Variants in BRWD1 observed in about 807,000 individuals in gnomAD.
BRWD1 encodes the protein bromodomain and WD repeat domain containing 1.
In BRWD1, 82 loss-of-function variants were observed where a neutral mutation model predicts 251.2. That is an observed-to-expected ratio of 0.33 (90% CI 0.27 to 0.39). The LOEUF (loss-of-function observed/expected upper bound fraction) is 0.39, where lower values mean the gene tolerates loss of function less well. BRWD1 is among the 10% of genes least tolerant of loss of function. The pLI is 1.00. For missense variants in BRWD1, 2,233 were observed against 2,711.6 expected, an observed-to-expected ratio of 0.82 and a Z score of 3.92; for synonymous variants, 918 against 902.8, an observed-to-expected ratio of 1.02 and a Z score of -0.30.
rs2032837653 is a variant in BRWD1, at chr21:39,215,229, T to C, written c.3785+8A>G. 3 of 1,609,554 alleles carry C rather than the reference T, an allele frequency of 1.9e-6. No homozygotes were observed. Among genetic ancestry groups the C allele is most frequent in the Non-Finnish European group, 2.6e-6 (3 of 1,176,304 alleles). ...TCACTTTTACACAACATCTATGAAA[T>C]TACTTACTTGATAAATTTTAAAAGT... On this transcript the variant is annotated splice_region_variant and intron_variant, in intron 32 of 40. Coordinates refer to ENST00000342449, the MANE Select transcript of BRWD1 (RefSeq NM_033656.4).
chr21:39,236,817 GC>G, intron 22 of BRWD1, 33 bp from the exon 23 acceptor site: 1 of 1,576,292 alleles, frequency 6.3e-7, no homozygotes, highest in South Asian at 1.1e-5. Flanking sequence ...GTTGAATGGA[GC>G]CAGAATATAA....
intron 4 of BRWD1, 23 bp from the exon 5 acceptor site, chr21:39,298,605 T>G: frequency 6.4e-7 from 1 of 1,558,360 alleles, no homozygotes; most frequent in Non-Finnish European, 8.7e-7. Flanking sequence ...CAAGTTTTAA[T>G]GACAACAGCT....
At chr21:39,260,589 T>A (rs573393232) in intron 17 of BRWD1, among the ~76,000 whole-genome samples, 1 of 152,206 alleles carries the variant, frequency 6.6e-6, no homozygotes, top group African/African-American at 2.4e-5. Flanking sequence ...AGTGTCCTTC[T>A]GCCATAAACA....
rs547283028 is a variant in BRWD1 at position 39,301,990 on chromosome 21, T to G, written c.199-3408A>C. ...AAAAGCTTTGTGTGTTTTTTTTTTT[T>G]TTTTTTTTTTTTGAGACAGTCTTGC... On this transcript the variant is annotated intron_variant, in intron 4 of 40. Transcript: ENST00000342449. Among the ~76,000 whole-genome samples, 440 of 141,198 alleles carry G rather than the reference T, an allele frequency of 3.1e-3. 3 individuals carry two copies. The highest frequency in any genetic ancestry group is 0.011 in the African/African-American group (426 of 38,060). The allele number at this position is 141,198 out of a possible 152,430, so 92.6% of individuals were successfully genotyped here.
intron 17 of BRWD1, 29 bp downstream of exon 17, chr21:39,264,427 TTAAA>T: frequency 1.5e-5 from 15 of 1,016,830 alleles, no homozygotes; most frequent in Admixed American, 7.2e-5. Flanking sequence ...AAGTACAACT[TTAAA>T]AAAAAAAAAA....
In BRWD1 at chr21:39,194,777, A is replaced by T; in HGVS notation, c.*1482T>A. 1 of 1,535,064 alleles carries T rather than the reference A, an allele frequency of 6.5e-7. No homozygotes were observed. Among genetic ancestry groups the T allele is most frequent in the East Asian group, 2.4e-5 (1 of 40,868 alleles). On this transcript the variant is annotated 3_prime_UTR_variant, in exon 41 of 41. Coordinates refer to ENST00000342449, the MANE Select transcript of BRWD1 (RefSeq NM_033656.4). ...CTGAAACCAAACACAATTAGGGCTA[A>T]TAAATAACATTGTCTAATATTGATA...
At chr21:39,295,170 T>C (rs1026295225) in intron 7 of BRWD1, among the ~76,000 whole-genome samples, 9 of 137,432 alleles carry the variant, frequency 6.5e-5, no homozygotes, top group Non-Finnish European at 1.4e-4. Context: ...GTTAGGTATG[T>C]CTATGTTTTT....
At position 39,236,755 on chromosome 21, in the gene BRWD1, G is replaced by A; in HGVS notation, c.2606C>T (p.Thr869Ile). The A allele has an allele frequency of 6.2e-7, 1 of 1,613,936 alleles. No homozygotes were observed. Among genetic ancestry groups the A allele is most frequent in the Non-Finnish European group, 8.5e-7 (1 of 1,179,950 alleles). Residue 869 changes from threonine to isoleucine, a missense_variant, in exon 23 of 41, where the codon ACA becomes ATA. By Grantham distance (89) the Thr-to-Ile change is moderately conservative. Around this residue, in one of 12 missense-constraint regions of BRWD1, gnomAD observed 214 missense variants for 222.0 expected, o/e 0.96. Coordinates refer to ENST00000342449, the MANE Select transcript of BRWD1 (RefSeq NM_033656.4). ...SDSSSRYSDW[T>I]ADAGINLQPP... ...CTGCAAATTGATGCCCGCATCAGCT[G>A]TCCAATCGGAATATCTAGATGAAGA...
In BRWD1 at chr21:39,192,483, G is replaced by A. The variant is rs2031602653; in HGVS notation, c.*3776C>T. The A allele has an allele frequency of 1.0e-6, 1 of 985,036 alleles. No homozygotes were observed. The highest frequency in any genetic ancestry group is 1.7e-5 in the African/African-American group (1 of 57,168). The allele number at this position is 985,036 out of a possible 1,614,324, so 61.0% of individuals were successfully genotyped here. A position where few individuals can be genotyped will look rare whatever the true frequency, so the allele number is the denominator to read the frequency against. The stretch of plus-strand genomic sequence containing the variant: ...CCTTGATATCCACAGCAGAAATTCA[G>A]AGGTATAACTTCAACATTAACAGGT... On this transcript the variant is annotated 3_prime_UTR_variant, in exon 41 of 41. Transcript: ENST00000342449.
intron 13 of BRWD1, among the ~76,000 whole-genome samples, chr21:39,271,517 GT>G (rs1303857278): frequency 4.0e-5 from 6 of 151,160 alleles, no homozygotes; most frequent in African/African-American, 1.2e-4. Context: ...GTGAAACCTC[GT>G]CTCTACTAAA....
chr21:39,198,845 G>C lies in BRWD1; in HGVS notation c.5571C>G (p.Ser1857=), dbSNP rs775093982. 2.5e-6 allele frequency: 4 copies of C among 1,613,730 alleles called. No individual in the cohort carries two copies. The Admixed American group carries it at 6.7e-5, about 27-fold the overall frequency. ...GNLNCDPIAM[S]QCSSDHGCET... The stretch of plus-strand genomic sequence containing the variant: ...CACATCCATGATCTGAGGAACACTG[G>C]GACATAGCAATAGGGTCACAGTTCA... The change falls in exon 40 of 41, where the codon TCC becomes TCG. Residue 1857 remains serine (S), a synonymous_variant. Transcript: ENST00000342449.
chr21:39,236,112 T>C (rs78159848), intron 23 of BRWD1: 15,923 of 155,636 alleles, frequency 0.1, 955 homozygotes, highest in East Asian at 0.14. Flanking sequence ...GCCAGAAACA[T>C]GCAGTCATGG....
At chr21:39,312,700 C>CG in intron 4 of BRWD1, 141 bp downstream of exon 4, 1 of 471,248 alleles carries the variant, frequency 2.1e-6, no homozygotes, top group Non-Finnish European at 3.8e-6. Context: ...AATCTTCAGC[C>CG]GGGAACGCAG....
chr21:39,222,334 T>C (rs1601315536), intron 29 of BRWD1, among the ~76,000 whole-genome samples: 2 of 152,336 alleles, frequency 1.3e-5, no homozygotes, highest in South Asian at 2.1e-4. Flanking sequence ...CAATGGAATA[T>C]GATTCATCAA....
chr21:39,201,812 A>G (rs918347143), intron 38 of BRWD1, among the ~76,000 whole-genome samples: 4 of 152,244 alleles, frequency 2.6e-5, no homozygotes, highest in South Asian at 2.1e-4. Context: ...TAGGTAAAAG[A>G]TATGTATAAA....
chr21:39,286,810 G>T (rs941473467), intron 8 of BRWD1, among the ~76,000 whole-genome samples: 1 of 152,062 alleles, frequency 6.6e-6, no homozygotes, highest in South Asian at 2.1e-4. Context: ...CACTGCGCCC[G>T]GCCCATTTTT....
chr21:39,240,807 G>T (rs1238836070), intron 21 of BRWD1, among the ~76,000 whole-genome samples: 1 of 152,056 alleles, frequency 6.6e-6, no homozygotes, highest in Admixed American at 6.5e-5. Context: ...TGAAATATTT[G>T]TACTAAATAC....
intron 4 of BRWD1, among the ~76,000 whole-genome samples, chr21:39,310,111 G>A (rs2036431266): frequency 1.3e-5 from 2 of 152,328 alleles, no homozygotes; most frequent in South Asian, 2.1e-4. Flanking sequence ...TAGTGGGTGG[G>A]TCATTTATTC....
chr21:39,304,957 ATTTT>A (rs36090972), intron 4 of BRWD1, among the ~76,000 whole-genome samples: 3 of 121,170 alleles, frequency 2.5e-5, no homozygotes, highest in Non-Finnish European at 3.3e-5. Flanking sequence ...ATATTTGGAG[ATTTT>A]TTTTTTTTTT....
Sources: gnomAD v4.1 joint callset for allele counts (sites outside exome capture counted in the v4.1 genomes callset) on GRCh38, gnomAD v4.1.1 for gene constraint, gnomAD v4.1.1 regional missense constraint, MANE v1.5 for transcripts, NCBI Gene and HGNC (gene_info 2026-07-23, HGNC 2026-07-21) for gene names.